MYCBPAP: variants seen among roughly 807,000 people sequenced by gnomAD.
The protein encoded by MYCBPAP is MYCBP associated protein, also known as MYCBP-associated protein.
A neutral mutation model predicts 106.1 loss-of-function variants in MYCBPAP; 60 were observed. That is an observed-to-expected ratio of 0.57 (90% CI 0.46 to 0.70). MYCBPAP has a LOEUF of 0.70. Ranked by LOEUF, MYCBPAP falls within the 30% of genes least tolerant of loss-of-function variation. The probability of loss-of-function intolerance (pLI) is 0.00; values close to 1 mark genes in which losing one functional copy is unlikely to be tolerated. For missense variants in MYCBPAP, 1,064 were observed against 1,169.3 expected (o/e 0.91, Z 1.31); for synonymous variants, 407 against 440.6 (o/e 0.92, Z 0.95).
intron 1 of MYCBPAP, among the ~76,000 whole-genome samples, chr17:50,512,919 C>A (rs1255637914): frequency 6.6e-6 from 1 of 151,832 alleles, no homozygotes. Context: ...ACAAAACATA[C>A]AAAAAATAGT....
In MYCBPAP at chr17:50,529,179, G is replaced by T; in HGVS notation, c.2715G>T (p.Leu905=). 2 of 1,611,452 alleles carry T rather than the reference G, an allele frequency of 1.2e-6. No homozygotes were observed. Among genetic ancestry groups the T allele is most frequent in the South Asian group, 1.1e-5 (1 of 90,926 alleles). Reference sequence around the variant, plus strand: ...TCATGGGGAAATACACCCAGAGCCTGCACAGTGAGGTGAAGGGAAGCGCCC... The same window carrying T: ...TCATGGGGAAATACACCCAGAGCCTTCACAGTGAGGTGAAGGGAAGCGCCC... ...PLVMGKYTQS[L]HSEVRGLLDT... The change falls in exon 18 of 19, where the codon CTG becomes CTT. Residue 905 remains leucine (L), a synonymous_variant. Coordinates refer to ENST00000323776, the MANE Select transcript of MYCBPAP (RefSeq NM_032133.6).
chr17:50,520,780 C>T (rs1259431376), intron 7 of MYCBPAP, among the ~76,000 whole-genome samples: 1 of 152,138 alleles, frequency 6.6e-6, no homozygotes, highest in Non-Finnish European at 1.5e-5. Flanking sequence ...GTAAAATATG[C>T]ACAGGGTTGT....
rs2034241189 is a variant in MYCBPAP at position 50,521,096 on chromosome 17, G to A, written c.917-14G>A. ...GCAGCAGCCTGTGCTGAGGGTCCTT[G>A]GACCTCATGCTAGGATTACCAGCCC... On this transcript the variant is annotated splice_polypyrimidine_tract_variant and intron_variant, in intron 7 of 18. Transcript: ENST00000323776. The A allele has an allele frequency of 6.2e-7, 1 of 1,604,250 alleles. No individual in the cohort carries two copies. Among genetic ancestry groups the A allele is most frequent in the Admixed American group, 1.7e-5 (1 of 59,016 alleles).
At position 50,528,805 on chromosome 17, in the gene MYCBPAP, G is replaced by T. The variant is rs1318105742; in HGVS notation, c.2518G>T (p.Glu840Ter). ...EKKQLGIKDK[E>*]DKKGAKLLGK... The stretch of plus-strand genomic sequence containing the variant: ...GAAGCAACTGGGGATCAAAGACAAA[G>T]AAGACAAGAAAGGAGCCAAGCTGCT... The change falls in exon 17 of 19, where the codon GAA becomes TAA. Residue 840 changes from glutamate (E) to a stop codon, truncating the protein, a stop_gained. Coordinates refer to ENST00000323776, the MANE Select transcript of MYCBPAP (RefSeq NM_032133.6). LOFTEE classifies it high-confidence loss of function. The T allele has an allele frequency of 6.2e-7, 1 of 1,613,752 alleles. No homozygotes were observed. Among genetic ancestry groups the T allele is most frequent in the Non-Finnish European group, 8.5e-7 (1 of 1,179,956 alleles).
intron 1 of MYCBPAP, chr17:50,509,895 C>G (rs2033763400): frequency 6.6e-6 from 1 of 152,060 alleles, no homozygotes; most frequent in Admixed American, 6.6e-5. Flanking sequence ...TGAGCCAGAC[C>G]AGGGATGGTT....
At chr17:50,514,024 A>T (rs1219332172) in intron 1 of MYCBPAP, among the ~76,000 whole-genome samples, 1 of 152,224 alleles carries the variant, frequency 6.6e-6, no homozygotes, top group Non-Finnish European at 1.5e-5. Context: ...ACTGTGGATG[A>T]TAGGCTGAAT....
At chr17:50,508,193 T>C (rs73351675), upstream of MYCBPAP, 123,512 of 238,362 alleles carry the variant, frequency 0.52, 35,388 homozygotes, top group African/African-American at 0.85. Flanking sequence ...CTCGACAGGA[T>C]GTGGCCTTAG....
At chr17:50,508,913 C>T in intron 1 of MYCBPAP, 163 bp downstream of exon 1, 2 of 753,396 alleles carry the variant, frequency 2.7e-6, no homozygotes, top group Non-Finnish European at 4.7e-6. Flanking sequence ...GGATGGGGGG[C>T]AAGGCAGGAA....
At chr17:50,531,263 T>C (rs1201623804) in intron 18 of MYCBPAP, 64 bp from the exon 19 acceptor site, 1 of 1,002,654 alleles carries the variant, frequency 1.0e-6, no homozygotes, top group Non-Finnish European at 1.5e-6. Flanking sequence ...TCTCACAGCA[T>C]AGTTCATATA....
chr17:50,513,596 G>GC (rs1437590322), intron 1 of MYCBPAP, among the ~76,000 whole-genome samples: 1 of 152,102 alleles, frequency 6.6e-6, no homozygotes, highest in Non-Finnish European at 1.5e-5. Flanking sequence ...GGGAGCTTTG[G>GC]CCCCCAAAAA....
Position 50,523,356 on chromosome 17 carries a change from G to A in MYCBPAP, c.1447+228G>A, listed in dbSNP as rs148937689. On this transcript the variant is annotated intron_variant, in intron 11 of 18. Transcript: ENST00000323776. ...AGGTGAGCCACCAGGGAGCAGAAGC[G>A]TTCTAGGGGCTCAGTTATCTAGGTG... is the stretch of plus-strand genomic sequence containing the variant. Among the ~76,000 whole-genome samples, 516 of 152,308 alleles carry A rather than the reference G, an allele frequency of 3.4e-3. 6 individuals are homozygous for A. The highest frequency in any genetic ancestry group is 4.2e-3 in the Non-Finnish European group (288 of 68,028).
At chr17:50,511,626 A>T (rs1187343072) in intron 1 of MYCBPAP, among the ~76,000 whole-genome samples, 2 of 152,180 alleles carry the variant, frequency 1.3e-5, no homozygotes, top group Non-Finnish European at 1.5e-5. Flanking sequence ...TCCAGCTCCG[A>T]CAAGAGACTG....
intron 4 of MYCBPAP, 40 bp from the exon 5 acceptor site, chr17:50,518,501 C>G (rs551814408): frequency 3.3e-5 from 50 of 1,512,406 alleles, no homozygotes; most frequent in Non-Finnish European, 4.0e-5. Flanking sequence ...TGCCCAGAGC[C>G]TTCTTACTGC....
rs772816945 is a variant in MYCBPAP at position 50,531,461 on chromosome 17, G to A, written c.*33G>A. The A allele has an allele frequency of 1.3e-6, 2 of 1,511,678 alleles. No individual in the cohort carries two copies. The highest frequency in any genetic ancestry group is 4.0e-5 in the Admixed American group (2 of 50,570). 93.6% of individuals were successfully genotyped at this position (1,511,678 alleles called of 1,614,324 possible). On this transcript the variant is annotated 3_prime_UTR_variant, in exon 19 of 19. Coordinates refer to ENST00000323776, the MANE Select transcript of MYCBPAP (RefSeq NM_032133.6). ...GCCCAAGCAACCTTCTGGAAAACGG[G>A]TTAATAAATAAATCAATAAAGAACC...
chr17:50,519,109 G>C lies in MYCBPAP; in HGVS notation c.768+20G>C, dbSNP rs747372245. 6.3e-7 allele frequency: 1 copy of C among 1,581,232 alleles called. No homozygotes were observed. Among genetic ancestry groups the C allele is most frequent in the Admixed American group, 1.7e-5 (1 of 58,876 alleles). ...AGGAAAGTGAGGCCACCTGTCCTAA[G>C]TGCCCGGGGGCAGGGGGGTCCATGG... On this transcript the variant is annotated intron_variant, in intron 6 of 18. Transcript: ENST00000323776.
chr17:50,511,308 C>T lies in MYCBPAP; in HGVS notation c.76+2558C>T, dbSNP rs1352341402. Among the ~76,000 whole-genome samples the T allele has an allele frequency of 2.0e-5, 3 of 152,108 alleles. No individual in the cohort carries two copies. In the East Asian group the frequency reaches 5.8e-4, roughly 29 times the overall value. On this transcript the variant is annotated intron_variant, in intron 1 of 18. Transcript: ENST00000323776. ...CTTTTGAGTCCTAGTACCCTCCCTT[C>T]CTGCTATGCACCACCTCCCCACCGC...
intron 1 of MYCBPAP, chr17:50,510,533 A>ATG (rs1292898262): frequency 6.1e-5 from 8 of 130,902 alleles, no homozygotes; most frequent in African/African-American, 1.5e-4. Flanking sequence ...ATATATATAT[A>ATG]TATGTATTTT....
rs186040609 is a variant in MYCBPAP at position 50,528,570 on chromosome 17, C to T, written c.2408-125C>T. The stretch of plus-strand genomic sequence containing the variant: ...CACAGTCCTGTTTCATGAAGCCACG[C>T]GCCTACCAGGGCTCAAGGCTATTGC... On this transcript the variant is annotated intron_variant, in intron 16 of 18. Coordinates refer to ENST00000323776, the MANE Select transcript of MYCBPAP (RefSeq NM_032133.6). 947 of 1,278,068 alleles carry T rather than the reference C, an allele frequency of 7.4e-4. 9 individuals are homozygous for T. In the African/African-American group the frequency reaches 0.012, roughly 17 times the overall value. 79.2% of individuals were successfully genotyped at this position (1,278,068 alleles called of 1,614,324 possible). A position where few individuals can be genotyped will look rare whatever the true frequency, so the allele number is the denominator to read the frequency against.
chr17:50,524,737 T>TGTGTGTGTGTGTGTGTGTGAGAGA lies in MYCBPAP; in HGVS notation c.1636-139_1636-138insTGTGTGTGTGTGTGTGTGAGAGAG, dbSNP rs373928628. On this transcript the variant is annotated intron_variant, in intron 12 of 18. Transcript: ENST00000323776. Reference sequence around the variant, plus strand: ...GTGTGTGTGTGTGTGTGTGTGTGTGTGAGAGAGAGAGAGAGAGAGAGACAA... The same window carrying TGTGTGTGTGTGTGTGTGTGAGAGA: ...GTGTGTGTGTGTGTGTGTGTGTGTGTGTGTGTGTGTGTGTGTGTGAGAGAGAGAGAGAGAGAGAGAGAGAGACAA... 1,252 of 463,336 alleles carry TGTGTGTGTGTGTGTGTGTGAGAGA rather than the reference T, an allele frequency of 2.7e-3. 4 individuals carry two copies. The highest frequency in any genetic ancestry group is 3.2e-3 in the Non-Finnish European group (830 of 261,448). 28.7% of individuals were successfully genotyped at this position (463,336 alleles called of 1,614,324 possible). A position where few individuals can be genotyped will look rare whatever the true frequency, so the allele number is the denominator to read the frequency against.
Sources: allele counts gnomAD v4.1 joint callset (sites outside exome capture counted in the v4.1 genomes callset), GRCh38; gene constraint gnomAD v4.1.1; transcripts MANE v1.5; gene names NCBI Gene and HGNC (gene_info 2026-07-23, HGNC 2026-07-21).